CNTN5: variants seen among roughly 807,000 people sequenced by gnomAD.
CNTN5 encodes contactin 5, also known as contactin-5.
In CNTN5, 77 loss-of-function variants were observed where a neutral mutation model predicts 129.1. The ratio of observed to expected loss-of-function variants is 0.60; its 90% CI spans 0.50 to 0.72. The LOEUF (loss-of-function observed/expected upper bound fraction) is 0.72. CNTN5 is among the 30% of genes least tolerant of loss of function. The pLI, the probability that CNTN5 is intolerant of heterozygous loss-of-function variation, is 0.00. For missense variants in CNTN5, 1,478 were observed against 1,328.8 expected (o/e 1.11, Z -1.75); for synonymous variants, 509 against 465.6 (o/e 1.09, Z -1.20).
chr11:100,329,055 C>T (rs868702023), intron 21 of CNTN5, among the ~76,000 whole-genome samples: 1 of 152,080 alleles, frequency 6.6e-6, no homozygotes, highest in African/African-American at 2.4e-5. Context: ...ACTGGCTGCC[C>T]GGAAATAAAC....
intron 3 of CNTN5, among the ~76,000 whole-genome samples, chr11:99,586,474 C>A (rs899973291): frequency 6.6e-6 from 1 of 152,136 alleles, no homozygotes. Context: ...AACCATGGTA[C>A]CTTTCTGCAT....
At chr11:99,718,761 G>C (rs1396784962) in intron 3 of CNTN5, among the ~76,000 whole-genome samples, 2 of 151,994 alleles carry the variant, frequency 1.3e-5, no homozygotes, top group African/African-American at 4.8e-5. Context: ...ACTTTGCTAA[G>C]TGTCACAAAC....
At chr11:99,462,945 A>G (rs1181572478) in intron 2 of CNTN5, among the ~76,000 whole-genome samples, 4 of 151,332 alleles carry the variant, frequency 2.6e-5, no homozygotes, top group East Asian at 2.0e-4. Context: ...ACAAAACAAA[A>G]CAAACAAAAA....
rs182740260 is a variant in CNTN5 at position 99,952,865 on chromosome 11, T to C, written c.674-3941T>C. 3.5e-3 allele frequency among the ~76,000 whole-genome samples: 540 copies of C among 152,228 alleles called. 3 individuals are homozygous for C. Among genetic ancestry groups the C allele is most frequent in the Non-Finnish European group, 4.3e-3 (295 of 67,988 alleles). On this transcript the variant is annotated intron_variant, in intron 7 of 24. Transcript: ENST00000524871. ...GAGCATTTTATAAAAATAGAGAAGC[T>C]TCTGATTTTTAAGTTTTTCTTTCTG...
chr11:99,997,337 C>G (rs1939522959), intron 8 of CNTN5, among the ~76,000 whole-genome samples: 1 of 152,082 alleles, frequency 6.6e-6, no homozygotes, highest in South Asian at 2.1e-4. Flanking sequence ...GTTAGGGTGT[C>G]AATTTTGGAT....
intron 1 of CNTN5, among the ~76,000 whole-genome samples, chr11:99,304,790 T>C (rs1391596833): frequency 1.3e-5 from 2 of 152,186 alleles, no homozygotes; most frequent in Admixed American, 1.3e-4. Flanking sequence ...ACTCCTGAAG[T>C]ATGGTCATCT....
intron 1 of CNTN5, among the ~76,000 whole-genome samples, chr11:99,113,355 C>A (rs75252759): frequency 6.6e-6 from 1 of 151,770 alleles, no homozygotes; most frequent in Non-Finnish European, 1.5e-5. Flanking sequence ...GAAAGCAGGA[C>A]CTAAGTTAAC....
chr11:99,840,857 G>A (rs569350125), intron 4 of CNTN5, among the ~76,000 whole-genome samples: 21 of 152,112 alleles, frequency 1.4e-4, no homozygotes, highest in Middle Eastern at 3.4e-3. Context: ...GTAAGTATAT[G>A]GATTTAAACA....
At chr11:99,318,317 T>C (rs1307477848) in intron 1 of CNTN5, among the ~76,000 whole-genome samples, 2 of 152,184 alleles carry the variant, frequency 1.3e-5, no homozygotes, top group Non-Finnish European at 2.9e-5. Flanking sequence ...TGTGATTTTA[T>C]GCAGCTAATT....
chr11:99,921,729 A>G (rs934730275), intron 7 of CNTN5, among the ~76,000 whole-genome samples: 1 of 152,230 alleles, frequency 6.6e-6, no homozygotes, highest in Non-Finnish European at 1.5e-5. Flanking sequence ...CCTAGGACAG[A>G]GTATGAGCTC....
At chr11:99,992,939 C>G (rs1043562644) in intron 8 of CNTN5, among the ~76,000 whole-genome samples, 1 of 152,150 alleles carries the variant, frequency 6.6e-6, no homozygotes, top group African/African-American at 2.4e-5. Flanking sequence ...AACGGAGACA[C>G]ACATTGAGTG....
intron 1 of CNTN5, among the ~76,000 whole-genome samples, chr11:99,068,888 T>C (rs1191978407): frequency 6.6e-6 from 1 of 152,034 alleles, no homozygotes; most frequent in Non-Finnish European, 1.5e-5. Context: ...AATAATCAGA[T>C]CTCCTTTAGA....
intron 3 of CNTN5, among the ~76,000 whole-genome samples, chr11:99,583,726 C>T (rs1337198242): frequency 1.3e-5 from 2 of 152,142 alleles, no homozygotes; most frequent in African/African-American, 4.8e-5. Context: ...CGTCTGTCAC[C>T]CCTTTCTTTG....
chr11:99,544,124 T>C (rs1390227592), intron 2 of CNTN5, among the ~76,000 whole-genome samples: 3 of 152,012 alleles, frequency 2.0e-5, no homozygotes, highest in African/African-American at 7.3e-5. Context: ...TCTGCTTAGT[T>C]TCTGGGGAGG....
At chr11:99,734,461 C>T (rs968066702) in intron 3 of CNTN5, among the ~76,000 whole-genome samples, 2 of 152,232 alleles carry the variant, frequency 1.3e-5, no homozygotes, top group Non-Finnish European at 2.9e-5. Context: ...TTTTATCACT[C>T]AGAGGGGTCA....
intron 2 of CNTN5, among the ~76,000 whole-genome samples, chr11:99,338,737 C>T (rs1866348610): frequency 6.6e-6 from 1 of 151,456 alleles, no homozygotes; most frequent in Admixed American, 6.6e-5. Flanking sequence ...GGTATTTTCT[C>T]TATTTGTATA....
intron 2 of CNTN5, among the ~76,000 whole-genome samples, chr11:99,354,987 C>T (rs1938542884): frequency 6.6e-6 from 1 of 152,160 alleles, no homozygotes; most frequent in African/African-American, 2.4e-5. Context: ...CTTAAATACA[C>T]TTATCTCAGG....
intron 1 of CNTN5, among the ~76,000 whole-genome samples, chr11:99,271,873 G>A (rs1863188224): frequency 1.3e-5 from 2 of 151,820 alleles, no homozygotes; most frequent in African/African-American, 4.8e-5. Context: ...GCCTCAATGT[G>A]TTTTACGACC....
intron 16 of CNTN5, among the ~76,000 whole-genome samples, chr11:100,232,456 C>T (rs1343039315): frequency 6.6e-6 from 1 of 152,062 alleles, no homozygotes; most frequent in Non-Finnish European, 1.5e-5. Context: ...TTGGCAAGGG[C>T]AAGTTCAGAG....
Sources: gnomAD v4.1 joint callset for allele counts (sites outside exome capture counted in the v4.1 genomes callset) on GRCh38, gnomAD v4.1.1 for gene constraint, MANE v1.5 for transcripts, NCBI Gene and HGNC (gene_info 2026-07-23, HGNC 2026-07-21) for gene names.